The following TUSC3 variants were observed in gnomAD, a reference collection of about 807,000 sequenced individuals.
TUSC3 encodes dolichyl-diphosphooligosaccharide--protein glycosyltransferase subunit TUSC3.
A neutral mutation model predicts 44.8 loss-of-function variants in TUSC3; 45 were observed. That is an observed-to-expected ratio of 1.00 (90% confidence interval 0.79 to 1.29). The LOEUF (loss-of-function observed/expected upper bound fraction) is 1.29, where lower values mean the gene tolerates loss of function less well. TUSC3 is among the 50% of genes most tolerant of loss of function. TUSC3 has a pLI of 0.00. For synonymous variants in TUSC3, 212 were observed against 152.9 expected (o/e 1.39, Z -2.85); for missense variants, 519 against 437.9 (o/e 1.19, Z -1.65).
chr8:15,647,410 C>G (rs966660817), intron 2 of TUSC3, among the ~76,000 whole-genome samples: 2 of 151,586 alleles, frequency 1.3e-5, no homozygotes, highest in African/African-American at 2.4e-5. Context: ...TTTTATTTTT[C>G]CTGTTGGAAT....
chr8:15,559,415 A>G (rs1298084202), intron 1 of TUSC3, among the ~76,000 whole-genome samples: 9 of 148,470 alleles, frequency 6.1e-5, no homozygotes, highest in East Asian at 4.0e-4. Flanking sequence ...GGAGAGCTTT[A>G]CTTCCAAGTA....
intron 2 of TUSC3, among the ~76,000 whole-genome samples, chr8:15,492,933 A>C (rs2129125994): frequency 6.6e-6 from 1 of 152,316 alleles, no homozygotes; most frequent in East Asian, 1.9e-4. Context: ...TCATGAAAAA[A>C]AGACAAAACT....
chr8:15,496,037 C>T (rs13268242), intron 2 of TUSC3, among the ~76,000 whole-genome samples: 34,782 of 151,946 alleles, frequency 0.23, 4,740 homozygotes, highest in Non-Finnish European at 0.31. Context: ...ATCCCATCAC[C>T]CTTATTTTAT....
chr8:15,757,417 A>G (rs1585310001), intron 9 of TUSC3, among the ~76,000 whole-genome samples: 1 of 152,202 alleles, frequency 6.6e-6, no homozygotes, highest in African/African-American at 2.4e-5. Flanking sequence ...CAAGGCAAAA[A>G]TTCCAGCATG....
intron 3 of TUSC3, among the ~76,000 whole-genome samples, chr8:15,652,782 G>C (rs1241155991): frequency 6.6e-6 from 1 of 152,102 alleles, no homozygotes; most frequent in Non-Finnish European, 1.5e-5. Context: ...TTGGCAAACA[G>C]TCTTCTAGAT....
intron 6 of TUSC3, among the ~76,000 whole-genome samples, chr8:15,722,945 T>C (rs1013760846): frequency 1.3e-5 from 2 of 152,090 alleles, no homozygotes; most frequent in Admixed American, 6.6e-5. Context: ...AAAATGTAGT[T>C]ATTTAGTGTT....
At chr8:15,548,508 G>C (rs2129135512) in intron 1 of TUSC3, among the ~76,000 whole-genome samples, 1 of 151,910 alleles carries the variant, frequency 6.6e-6, no homozygotes, top group Middle Eastern at 3.4e-3. Context: ...TGCTTTGGTT[G>C]CTGAAACCAT....
chr8:15,594,705 G>A (rs1803991437), intron 1 of TUSC3, among the ~76,000 whole-genome samples: 1 of 152,042 alleles, frequency 6.6e-6, no homozygotes, highest in Non-Finnish European at 1.5e-5. Flanking sequence ...CACTATTACT[G>A]GTCCTCTGTG....
chr8:15,589,400 G>A (rs577067147), intron 1 of TUSC3, among the ~76,000 whole-genome samples: 2 of 146,926 alleles, frequency 1.4e-5, no homozygotes, highest in African/African-American at 5.5e-5. Flanking sequence ...CAATAGCATA[G>A]GTTAAGATTA....
chr8:15,425,685 A>G (rs1799795124), intron 1 of TUSC3, among the ~76,000 whole-genome samples: 1 of 152,328 alleles, frequency 6.6e-6, no homozygotes, highest in African/African-American at 2.4e-5. Context: ...GCCAAAGATT[A>G]TATTATTCTC....
chr8:15,734,276 C>CAA (rs1465220834), intron 7 of TUSC3, among the ~76,000 whole-genome samples: 1 of 152,082 alleles, frequency 6.6e-6, no homozygotes, highest in African/African-American at 2.4e-5. Context: ...TTGCTATATA[C>CAA]AAAGTTTTGC....
At chr8:15,814,942 T>C in the TUSC3 span, among the ~76,000 whole-genome samples, 2 of 152,286 alleles carry the variant, frequency 1.3e-5, no homozygotes, top group Middle Eastern at 3.4e-3. Context: ...ATATAAAACA[T>C]GTTGGCTACA....
intron 2 of TUSC3, among the ~76,000 whole-genome samples, chr8:15,529,581 G>C (rs1563275272): frequency 6.6e-6 from 1 of 151,916 alleles, no homozygotes; most frequent in Non-Finnish European, 1.5e-5. Flanking sequence ...GCTTTAAATA[G>C]CCAACTGTTT....
At chr8:15,644,285 ACTGCC>A (rs1260284348) in intron 2 of TUSC3, among the ~76,000 whole-genome samples, 1 of 152,244 alleles carries the variant, frequency 6.6e-6, no homozygotes, top group East Asian at 1.9e-4. Context: ...ACGCAGCGTG[ACTGCC>A]CTCTTCAGGC....
intron 7 of TUSC3, among the ~76,000 whole-genome samples, chr8:15,736,209 A>C (rs1810931808): frequency 1.3e-5 from 2 of 152,208 alleles, no homozygotes; most frequent in Non-Finnish European, 2.9e-5. Flanking sequence ...TGGCATTTAC[A>C]GTCTAAAGGA....
chr8:15,566,411 G>T (rs948999354), intron 1 of TUSC3, among the ~76,000 whole-genome samples: 4 of 152,000 alleles, frequency 2.6e-5, no homozygotes, highest in Admixed American at 2.0e-4. Context: ...GGATTATTTT[G>T]AACATGTGCT....
At chr8:15,553,920 C>A (rs1028565153) in intron 1 of TUSC3, among the ~76,000 whole-genome samples, 3 of 151,614 alleles carry the variant, frequency 2.0e-5, no homozygotes, top group Non-Finnish European at 4.4e-5. Flanking sequence ...CTTTGTTTTC[C>A]CCCATGCATA....
chr8:15,539,002 A>C (rs1585081030), upstream of TUSC3, among the ~76,000 whole-genome samples: 1 of 149,600 alleles, frequency 6.7e-6, no homozygotes, highest in Non-Finnish European at 1.5e-5. Context: ...AGTACTCCCC[A>C]CCATACCCAG....
intron 1 of TUSC3, among the ~76,000 whole-genome samples, chr8:15,422,618 T>C (rs1799750973): frequency 6.6e-6 from 1 of 152,114 alleles, no homozygotes; most frequent in African/African-American, 2.4e-5. Flanking sequence ...AGTATAGTAA[T>C]GCATCTAGTT....
Sources: allele counts gnomAD v4.1 joint callset (sites outside exome capture counted in the v4.1 genomes callset), GRCh38; gene constraint gnomAD v4.1.1; transcripts MANE v1.5; gene names NCBI Gene and HGNC (gene_info 2026-07-23, HGNC 2026-07-21).